The following RASAL2 variants were observed in gnomAD, a reference collection of about 807,000 sequenced individuals.
The protein encoded by RASAL2 is RAS protein activator like 2.
Under a neutral mutation model 128.9 loss-of-function variants are expected in RASAL2, and 58 were observed. That is an observed-to-expected ratio of 0.45 (90% CI 0.36 to 0.56). RASAL2 has a LOEUF of 0.56. Ranked by LOEUF, RASAL2 falls within the 20% of genes least tolerant of loss-of-function variation. The pLI is 0.00. For synonymous variants in RASAL2, 561 were observed against 580.8 expected, an observed-to-expected ratio of 0.97 and a Z score of 0.49; for missense variants, 1,360 against 1,601.6, an observed-to-expected ratio of 0.85 and a Z score of 2.57.
chr1:178,384,674 A>AC (rs1171824402), intron 3 of RASAL2, among the ~76,000 whole-genome samples: 30 of 151,390 alleles, frequency 2.0e-4, no homozygotes, highest in Middle Eastern at 3.4e-3. Context: ...AAAAAAAAAA[A>AC]AACACACACA....
chr1:178,151,941 G>A (rs951590597), intron 1 of RASAL2, among the ~76,000 whole-genome samples: 6 of 152,168 alleles, frequency 3.9e-5, no homozygotes, highest in Non-Finnish European at 7.3e-5. Context: ...TTTATGTTTG[G>A]TCTTTGTCTC....
chr1:178,266,575 T>C (rs1665962317), intron 1 of RASAL2, among the ~76,000 whole-genome samples: 1 of 152,094 alleles, frequency 6.6e-6, no homozygotes, highest in Non-Finnish European at 1.5e-5. Flanking sequence ...TGGAGTGGTT[T>C]TAAGTAGCAG....
At position 178,146,042 on chromosome 1, in the gene RASAL2, G is replaced by A. The variant is rs147479733; in HGVS notation, c.202+51348G>A. On this transcript the variant is annotated intron_variant, in intron 1 of 17. Transcript: ENST00000367649. ...TAGGAAAATAGCATTCTCTTCTATA[G>A]TGAGAGAAGTAATAGTTTTTGTTTC... 2.5e-3 allele frequency among the ~76,000 whole-genome samples: 387 copies of A among 152,340 alleles called. 1 individual carries two copies. The highest frequency in any genetic ancestry group is 8.8e-3 in the African/African-American group (368 of 41,582).
chr1:178,168,934 A>AT (rs1417688936), intron 1 of RASAL2, among the ~76,000 whole-genome samples: 1 of 152,010 alleles, frequency 6.6e-6, no homozygotes, highest in Non-Finnish European at 1.5e-5. Flanking sequence ...AGATTTATTC[A>AT]TTTTTTAACT....
intron 4 of RASAL2, among the ~76,000 whole-genome samples, chr1:178,393,696 A>G (rs1362330824): frequency 1.3e-5 from 2 of 152,174 alleles, no homozygotes; most frequent in African/African-American, 4.8e-5. Context: ...ACATACCGTA[A>G]TTCCAATTGC....
At chr1:178,223,501 G>T (rs575358289) in intron 1 of RASAL2, among the ~76,000 whole-genome samples, 25 of 152,166 alleles carry the variant, frequency 1.6e-4, no homozygotes, top group Non-Finnish European at 3.4e-4. Flanking sequence ...AGAACTGAAA[G>T]AATTCAAGTA....
intron 1 of RASAL2, among the ~76,000 whole-genome samples, chr1:178,184,946 T>C (rs1662237218): frequency 6.6e-6 from 1 of 152,104 alleles, no homozygotes; most frequent in Non-Finnish European, 1.5e-5. Context: ...TCCATGAATT[T>C]AGAATTTCTC....
At chr1:178,408,287 T>C (rs2102688567) in intron 4 of RASAL2, among the ~76,000 whole-genome samples, 1 of 152,330 alleles carries the variant, frequency 6.6e-6, no homozygotes, top group Middle Eastern at 3.4e-3. Context: ...ATTCTTTCTT[T>C]CCTTTGTTTC....
At chr1:178,405,033 T>C (rs947845153) in intron 4 of RASAL2, among the ~76,000 whole-genome samples, 2 of 152,174 alleles carry the variant, frequency 1.3e-5, no homozygotes, top group Non-Finnish European at 2.9e-5. Context: ...CCTTTCAGTC[T>C]GACAGACTAT....
At chr1:178,164,619 A>T in intron 1 of RASAL2, among the ~76,000 whole-genome samples, 1 of 151,442 alleles carries the variant, frequency 6.6e-6, no homozygotes, top group East Asian at 1.9e-4. Context: ...TGCATACAGG[A>T]TTTTTTTCTC....
At chr1:178,180,089 G>C (rs892684589) in intron 1 of RASAL2, among the ~76,000 whole-genome samples, 4 of 152,224 alleles carry the variant, frequency 2.6e-5, no homozygotes, top group East Asian at 3.9e-4. Context: ...CTAATCTACA[G>C]TATAATCCTG....
intron 15 of RASAL2, 101 bp from the exon 16 acceptor site, chr1:178,465,811 GAAAAAAGA>G (rs1475305354): frequency 9.3e-7 from 1 of 1,070,520 alleles, no homozygotes; most frequent in East Asian, 2.7e-5. Flanking sequence ...TTAAAAAAAA[GAAAAAAGA>G]AAAAGAAAAA....
At chr1:178,216,534 C>T (rs577251792) in intron 1 of RASAL2, among the ~76,000 whole-genome samples, 1 of 152,306 alleles carries the variant, frequency 6.6e-6, no homozygotes, top group South Asian at 2.1e-4. Flanking sequence ...AACCAATTAT[C>T]GTAAAAATAA....
chr1:178,390,206 A>T lies in RASAL2; in HGVS notation c.564A>T (p.Pro188=). ...CAAATACCTCACCCTTCAAAGTACC[A>T]GTAAGTGTTTATCTTCTTTATAAGA... ...DTANTSPFKV[P]GFFSKRLKGS... Residue 188 remains proline, a splice_region_variant and synonymous_variant, in exon 4 of 18, where the codon CCA becomes CCT. Coordinates refer to ENST00000367649, the MANE Select transcript of RASAL2 (RefSeq NM_170692.4). The T allele has an allele frequency of 1.3e-6, 2 of 1,594,708 alleles. No homozygotes were observed. The highest frequency in any genetic ancestry group is 2.2e-5 in the South Asian group (2 of 89,814).
chr1:178,425,650 G>A (rs1011092559), intron 5 of RASAL2, among the ~76,000 whole-genome samples: 1 of 151,952 alleles, frequency 6.6e-6, no homozygotes, highest in Admixed American at 6.6e-5. Context: ...GGATCTTCAA[G>A]AATCTCTTTA....
At chr1:178,469,180 C>A (rs1413354906) in intron 17 of RASAL2, among the ~76,000 whole-genome samples, 1 of 152,018 alleles carries the variant, frequency 6.6e-6, no homozygotes, top group Non-Finnish European at 1.5e-5. Context: ...GCCTGTAGTC[C>A]CAGCTGCTTG....
intron 1 of RASAL2, among the ~76,000 whole-genome samples, chr1:178,150,672 CTCATTATTCA>C (rs371449363): frequency 8.9e-4 from 136 of 152,172 alleles, no homozygotes; most frequent in African/African-American, 2.7e-3. Flanking sequence ...TCGTTGGATC[CTCATTATTCA>C]TCATTATTCA....
At chr1:178,360,708 T>C (rs1324839105) in intron 3 of RASAL2, among the ~76,000 whole-genome samples, 1 of 152,212 alleles carries the variant, frequency 6.6e-6, no homozygotes, top group Non-Finnish European at 1.5e-5. Flanking sequence ...AAATGTATTG[T>C]TTCACAGTTC....
intron 3 of RASAL2, among the ~76,000 whole-genome samples, chr1:178,323,918 G>A (rs982752757): frequency 2.0e-5 from 3 of 152,114 alleles, no homozygotes; most frequent in African/African-American, 7.2e-5. Flanking sequence ...CAGATAGAGG[G>A]TTTACTTTTT....
Sources: allele counts gnomAD v4.1 joint callset (sites outside exome capture counted in the v4.1 genomes callset), GRCh38; gene constraint gnomAD v4.1.1; transcripts MANE v1.5; gene names NCBI Gene and HGNC (gene_info 2026-07-23, HGNC 2026-07-21).